Variants in TDRD5 observed in about 807,000 individuals in gnomAD.
The protein encoded by TDRD5 is tudor domain-containing protein 5.
A neutral mutation model predicts 120.6 loss-of-function variants in TDRD5; 41 were observed. The observed-to-expected ratio is 0.34, with a 90% CI of 0.26 to 0.44. TDRD5 has a LOEUF of 0.44. Ranked by LOEUF, TDRD5 falls within the 20% of genes least tolerant of loss-of-function variation. TDRD5 has a pLI of 1.00. For synonymous variants in TDRD5, 430 were observed against 433.7 expected, an observed-to-expected ratio of 0.99 and a Z score of 0.11; for missense variants, 1,006 against 1,221.2, an observed-to-expected ratio of 0.82 and a Z score of 2.63.
chr1:179,597,204 C>G (rs760701425), intron 4 of TDRD5, among the ~76,000 whole-genome samples: 1 of 152,018 alleles, frequency 6.6e-6, no homozygotes, highest in Non-Finnish European at 1.5e-5. Context: ...TTATCAGAGG[C>G]GTGTTTTGTA....
In TDRD5 at chr1:179,607,151, A is replaced by AT. The variant is rs544484076; in HGVS notation, c.831+11340dup. Among the ~76,000 whole-genome samples, 993 of 152,104 alleles carry AT rather than the reference A, an allele frequency of 6.5e-3. 8 individuals are homozygous for AT. The highest frequency in any genetic ancestry group is 0.022 in the African/African-American group (900 of 41,514). On this transcript the variant is annotated intron_variant, in intron 4 of 17. Coordinates refer to ENST00000444136, the MANE Select transcript of TDRD5 (RefSeq NM_001199085.3). ...TATTCCTCATACAGATCTTGTACAT[A>AT]TTTTTTTAGATTTATACTTAAGTAT... is the stretch of plus-strand genomic sequence containing the variant.
At chr1:179,689,986 G>C (rs1001986734) in intron 17 of TDRD5, among the ~76,000 whole-genome samples, 2 of 152,140 alleles carry the variant, frequency 1.3e-5, no homozygotes, top group South Asian at 4.1e-4. Flanking sequence ...GGAATTCCCC[G>C]ACCCCTTGCG....
At chr1:179,661,331 T>C (rs920109681) in intron 14 of TDRD5, among the ~76,000 whole-genome samples, 11 of 152,088 alleles carry the variant, frequency 7.2e-5, no homozygotes, top group African/African-American at 1.9e-4. Flanking sequence ...TATCTTTTGG[T>C]ATTGTTCCAC....
chr1:179,624,706 C>T (rs183971512), intron 6 of TDRD5, among the ~76,000 whole-genome samples: 4 of 151,906 alleles, frequency 2.6e-5, no homozygotes, highest in Admixed American at 6.6e-5. Context: ...TCATGTACAC[C>T]GAAAACTAAT....
intron 4 of TDRD5, among the ~76,000 whole-genome samples, chr1:179,612,047 G>T (rs1245376028): frequency 1.3e-5 from 2 of 152,084 alleles, no homozygotes; most frequent in Admixed American, 6.5e-5. Flanking sequence ...TTTGTTAGGT[G>T]TTCCCTCAAA....
chr1:179,647,697 T>C (rs1678461168), intron 11 of TDRD5, among the ~76,000 whole-genome samples: 1 of 151,792 alleles, frequency 6.6e-6, no homozygotes, highest in Admixed American at 6.6e-5. Flanking sequence ...CACCTACTCA[T>C]CTGACAAAGG....
At chr1:179,634,430 T>C in intron 7 of TDRD5, 27 bp from the exon 8 acceptor site, 1 of 1,579,236 alleles carries the variant, frequency 6.3e-7, no homozygotes, top group South Asian at 1.2e-5. Context: ...GATGGAGTTG[T>C]TTCATCAGTC....
chr1:179,608,080 T>C (rs1423340289), intron 4 of TDRD5, among the ~76,000 whole-genome samples: 1 of 152,004 alleles, frequency 6.6e-6, no homozygotes, highest in Non-Finnish European at 1.5e-5. Context: ...TGTGATAGTT[T>C]TTGCCCCCTT....
rs186626279 is a variant in TDRD5 at position 179,678,733 on chromosome 1, T to C, written c.2860+9329T>C. On this transcript the variant is annotated intron_variant, in intron 17 of 17. Transcript: ENST00000444136. ...TTATTACTGGTATATAGAAATATAGTTGGTTTTCATATATTCCGTGACCTT... is the reference window on the plus strand; with the variant it reads ...TTATTACTGGTATATAGAAATATAGCTGGTTTTCATATATTCCGTGACCTT... 6.6e-5 allele frequency among the ~76,000 whole-genome samples: 10 copies of C among 152,344 alleles called. No homozygotes were observed. The East Asian group carries it at 1.9e-3, about 29-fold the overall frequency.
chr1:179,603,224 C>T (rs1039362963), intron 4 of TDRD5, among the ~76,000 whole-genome samples: 1 of 152,076 alleles, frequency 6.6e-6, no homozygotes, highest in Non-Finnish European at 1.5e-5. Context: ...GTACATTAAT[C>T]TTGTATCTGG....
chr1:179,620,471 G>A (rs1572355260), intron 5 of TDRD5, among the ~76,000 whole-genome samples: 2 of 152,134 alleles, frequency 1.3e-5, no homozygotes, highest in East Asian at 3.9e-4. Flanking sequence ...TTAATATTTT[G>A]AAAAATCTGT....
chr1:179,669,305 A>G lies in TDRD5; in HGVS notation c.2761A>G (p.Asn921Asp). The part of the protein sequence containing the change: ...QSADGSQSEP[N>D]NSQTQPKQIQ... Reference sequence around the variant, plus strand: ...AGCAGACGGGAGCCAGTCTGAACCCAACAACAGTCAGACTCAGCCAAAGCA... The same window carrying G: ...AGCAGACGGGAGCCAGTCTGAACCCGACAACAGTCAGACTCAGCCAAAGCA... Residue 921 changes from asparagine (N) to aspartate (D), a missense_variant, in exon 17 of 18, where the codon AAC (asparagine) becomes GAC (aspartate). Physicochemically the swap from Asn to Asp is conservative, Grantham distance 23 (BLOSUM62 1). This residue lies in a region of TDRD5 where 403 missense variants were observed against 448.1 expected (regional missense o/e 0.90). Coordinates refer to ENST00000444136, the MANE Select transcript of TDRD5 (RefSeq NM_001199085.3). The G allele has an allele frequency of 6.2e-7, 1 of 1,614,154 alleles. No homozygotes were observed. Among genetic ancestry groups the G allele is most frequent in the Non-Finnish European group, 8.5e-7 (1 of 1,180,034 alleles).
At chr1:179,630,122 C>G (rs988174021) in intron 6 of TDRD5, among the ~76,000 whole-genome samples, 2 of 151,998 alleles carry the variant, frequency 1.3e-5, no homozygotes, top group Non-Finnish European at 2.9e-5. Flanking sequence ...CTCAGCCTCA[C>G]GAGTAGCTGG....
chr1:179,661,494 G>T (rs1679314102), intron 14 of TDRD5, among the ~76,000 whole-genome samples: 1 of 151,880 alleles, frequency 6.6e-6, no homozygotes, highest in Admixed American at 6.6e-5. Flanking sequence ...CTATTGAAAA[G>T]ACAGCCAGGG....
chr1:179,622,394 A>G (rs576413441), intron 6 of TDRD5, among the ~76,000 whole-genome samples: 5 of 152,344 alleles, frequency 3.3e-5, no homozygotes, highest in Non-Finnish European at 7.4e-5. Context: ...AACCAAAATT[A>G]CTAGACACAG....
chr1:179,610,435 T>C (rs1173370097), intron 4 of TDRD5, among the ~76,000 whole-genome samples: 1 of 152,240 alleles, frequency 6.6e-6, no homozygotes, highest in East Asian at 1.9e-4. Flanking sequence ...TTCAGTTATT[T>C]CTCATTCTTT....
chr1:179,599,490 T>A (rs1373460806), intron 4 of TDRD5, among the ~76,000 whole-genome samples: 1 of 152,048 alleles, frequency 6.6e-6, no homozygotes, highest in Non-Finnish European at 1.5e-5. Flanking sequence ...AACAACAAAT[T>A]CAGTTTCTTT....
intron 5 of TDRD5, among the ~76,000 whole-genome samples, chr1:179,620,697 A>C (rs1676793925): frequency 6.6e-6 from 1 of 152,120 alleles, no homozygotes; most frequent in African/African-American, 2.4e-5. Context: ...TCTAACAATT[A>C]AAATGCTTGA....
intron 6 of TDRD5, among the ~76,000 whole-genome samples, chr1:179,628,888 C>T (rs1418882247): frequency 2.6e-5 from 4 of 151,900 alleles, no homozygotes; most frequent in Non-Finnish European, 5.9e-5. Flanking sequence ...ATGGTTACTT[C>T]CAGGGAAGTG....
Sources: gnomAD v4.1 joint callset for allele counts (sites outside exome capture counted in the v4.1 genomes callset) on GRCh38, gnomAD v4.1.1 for gene constraint, gnomAD v4.1.1 regional missense constraint, MANE v1.5 for transcripts, NCBI Gene and HGNC (gene_info 2026-07-23, HGNC 2026-07-21) for gene names.